CEBPZOS: variants seen among roughly 807,000 people sequenced by gnomAD.
The protein encoded by CEBPZOS is protein CEBPZOS.
In CEBPZOS, 10 loss-of-function variants were observed where a neutral mutation model predicts 4.8. The ratio of observed to expected loss-of-function variants is 2.07; its 90% CI spans 1.28 to 3.52. The LOEUF is 3.52. Among genes scored for constraint, CEBPZOS ranks in the 30% most tolerant of loss-of-function variants. The pLI, the probability that CEBPZOS is intolerant of heterozygous loss-of-function variation, is 0.00. For missense variants in CEBPZOS, 98 were observed against 43.6 expected (o/e 2.25, Z -3.51); for synonymous variants, 25 against 14.2 (o/e 1.77, Z -1.72).
downstream of CEBPZOS, among the ~76,000 whole-genome samples, chr2:37,208,013 A>G (rs1288140126): frequency 6.6e-6 from 1 of 152,310 alleles, no homozygotes; most frequent in African/African-American, 2.4e-5. Flanking sequence ...CAAGGCTACT[A>G]TGAACACCTT....
downstream of CEBPZOS, chr2:37,213,904 A>G (rs1185166837): frequency 1.2e-6 from 2 of 1,602,650 alleles, no homozygotes; most frequent in Non-Finnish European, 1.7e-6. Flanking sequence ...CGTCTTCTAT[A>G]CTTTCTTCAT....
chr2:37,202,239 GTTT>G lies in CEBPZOS; in HGVS notation c.*391_*393del, dbSNP rs763186990. Reference sequence around the variant, plus strand: ...AAAAGTAATTTTTGTAGTCTGCAAGGTTTTTTTTTTTTTTGCTTTAGTCTAAAT... The same window carrying G: ...AAAAGTAATTTTTGTAGTCTGCAAGGTTTTTTTTTTTGCTTTAGTCTAAAT... On this transcript the variant is annotated 3_prime_UTR_variant, in exon 5 of 5. Coordinates refer to ENST00000402297, the MANE Select transcript of CEBPZOS (RefSeq NM_001322374.2). The G allele has an allele frequency of 3.8e-3, 544 of 142,556 alleles. 4 individuals are homozygous for G. Among genetic ancestry groups the G allele is most frequent in the African/African-American group, 0.014 (503 of 37,032 alleles). The allele number at this position is 142,556 out of a possible 1,614,324, so 8.8% of individuals were successfully genotyped here.
chr2:37,197,155 C>G (rs1459764046), intron 1 of CEBPZOS: 2 of 152,706 alleles, frequency 1.3e-5, no homozygotes, highest in East Asian at 1.9e-4. Context: ...ACCTAAACTT[C>G]CCGGAATGAT....
At chr2:37,212,065 C>A (rs375599099) in intron 4 of CEBPZOS, 2 of 1,548,918 alleles carry the variant, frequency 1.3e-6, no homozygotes, top group South Asian at 2.5e-5. Context: ...ACTTGTAATA[C>A]AAGAGGAGGC....
intron 4 of CEBPZOS, chr2:37,212,167 A>G: frequency 2.0e-6 from 2 of 984,328 alleles, no homozygotes; most frequent in Non-Finnish European, 3.0e-6. Context: ...GCTCAGAGTA[A>G]ATAATAACGT....
intron 4 of CEBPZOS, chr2:37,212,042 G>A (rs955257906): frequency 1.5e-5 from 24 of 1,571,338 alleles, no homozygotes; most frequent in Non-Finnish European, 1.9e-5. Context: ...TCACGTTTCT[G>A]GAAAAAAACA....
Position 37,201,866 on chromosome 2 carries a change from G to A in CEBPZOS, c.*6G>A, listed in dbSNP as rs1558462457. 1 of 1,613,676 alleles carries A rather than the reference G, an allele frequency of 6.2e-7. No individual in the cohort carries two copies. The stretch of plus-strand genomic sequence containing the variant: ...TTTTTGCATCTCTGTTGTGTAGCCA[G>A]TCATCACGTTCAGCCTCCCATCTAA... On this transcript the variant is annotated 3_prime_UTR_variant, in exon 5 of 5. Coordinates refer to ENST00000402297, the MANE Select transcript of CEBPZOS (RefSeq NM_001322374.2).
intron 4 of CEBPZOS, among the ~76,000 whole-genome samples, chr2:37,212,844 A>C (rs1477811660): frequency 1.3e-4 from 20 of 149,736 alleles, no homozygotes; most frequent in East Asian, 1.9e-4. Flanking sequence ...TTAAAAAAAA[A>C]AAAAAAACAA....
At chr2:37,212,495 G>A in intron 4 of CEBPZOS, 1 of 994,444 alleles carries the variant, frequency 1.0e-6, no homozygotes, top group South Asian at 1.4e-5. Flanking sequence ...TGCTGTTTAT[G>A]ACAAGTGAAC....
intron 4 of CEBPZOS, among the ~76,000 whole-genome samples, chr2:37,212,868 AAAAAAAAAAAC>A (rs1558471409): frequency 2.0e-5 from 2 of 99,848 alleles, no homozygotes; most frequent in Admixed American, 1.1e-4. Context: ...CAACAACAAC[AAAAAAAAAAAC>A]AAAAAAAAAA....
chr2:37,210,942 T>A (rs1677701908), intron 4 of CEBPZOS: 2 of 1,263,412 alleles, frequency 1.6e-6, no homozygotes, highest in East Asian at 2.4e-5. Flanking sequence ...CCCAAAATGA[T>A]AATGACACCT....
chr2:37,207,178 T>C (rs1677567688), downstream of CEBPZOS, among the ~76,000 whole-genome samples: 1 of 152,108 alleles, frequency 6.6e-6, no homozygotes, highest in Non-Finnish European at 1.5e-5. Context: ...CCTAAGAAAT[T>C]AGACAGATGG....
At position 37,201,850 on chromosome 2, in the gene CEBPZOS, C is replaced by G. The variant is rs534443487; in HGVS notation, c.*3-13C>G. ...TTTTTCTTGATGATACTTTTTGCAT[C>G]TCTGTTGTGTAGCCAGTCATCACGT... On this transcript the variant is annotated splice_polypyrimidine_tract_variant and intron_variant, in intron 4 of 4. Transcript: ENST00000402297. 2.5e-6 allele frequency: 4 copies of G among 1,613,246 alleles called. No homozygotes were observed. In the African/African-American group the frequency reaches 5.3e-5, roughly 22 times the overall value.
At position 37,201,104 on chromosome 2, in the gene CEBPZOS, C is replaced by T. The variant is rs189383448; in HGVS notation, c.160+12C>T. On this transcript the variant is annotated intron_variant, in intron 3 of 4. Transcript: ENST00000402297. ...CTTCATCTTGGAAGGTATGTTTTTC[C>T]TTAAGTAAAAATAAGTATAAAACAA... The T allele has an allele frequency of 1.3e-3, 898 of 712,538 alleles. No individual in the cohort carries two copies. Among genetic ancestry groups the T allele is most frequent in the Non-Finnish European group, 1.3e-3 (502 of 383,514 alleles). The allele number at this position is 712,538 out of a possible 1,614,324, so 44.1% of individuals were successfully genotyped here.
chr2:37,214,924 T>C (rs1455890711), downstream of CEBPZOS: 1 of 1,610,430 alleles, frequency 6.2e-7, no homozygotes, highest in Non-Finnish European at 8.5e-7. Flanking sequence ...TTTGGCTTTC[T>C]TCTTTTGCAA....
Position 37,204,126 on chromosome 2 carries a change from T to C in CEBPZOS, c.*2266T>C, listed in dbSNP as rs766933166. 17 of 152,152 alleles carry C rather than the reference T, an allele frequency of 1.1e-4. No homozygotes were observed. Among genetic ancestry groups the C allele is most frequent in the African/African-American group, 1.7e-4 (7 of 41,426 alleles). 9.4% of individuals were successfully genotyped at this position (152,152 alleles called of 1,614,324 possible). A position where few individuals can be genotyped will look rare whatever the true frequency, so the allele number is the denominator to read the frequency against. On this transcript the variant is annotated 3_prime_UTR_variant, in exon 5 of 5. Coordinates refer to ENST00000402297, the MANE Select transcript of CEBPZOS (RefSeq NM_001322374.2). The stretch of plus-strand genomic sequence containing the variant: ...CACATTTGCATGCATTAGGAAGTTT[T>C]TTTTGGGTTTTATTCATCCTGTAGT...
Position 37,202,880 on chromosome 2 carries a change from C to A in CEBPZOS, c.*1020C>A. ...AGATGGCCAAACTTTTAAACAAAAA[C>A]GATAAATTTATTAGAAAACTAAAAA... On this transcript the variant is annotated 3_prime_UTR_variant, in exon 5 of 5. Transcript: ENST00000402297. 1 of 1,593,800 alleles carries A rather than the reference C, an allele frequency of 6.3e-7. No individual in the cohort carries two copies. Among genetic ancestry groups the A allele is most frequent in the Non-Finnish European group, 8.5e-7 (1 of 1,169,934 alleles).
intron 4 of CEBPZOS, chr2:37,212,019 T>C (rs1677737275): frequency 3.8e-6 from 6 of 1,583,268 alleles, no homozygotes; most frequent in Non-Finnish European, 5.1e-6. Flanking sequence ...CTTAGCTCCT[T>C]TTGTTCTCTT....
chr2:37,206,615 C>G (rs761954657), downstream of CEBPZOS, among the ~76,000 whole-genome samples: 1 of 152,144 alleles, frequency 6.6e-6, no homozygotes, highest in African/African-American at 2.4e-5. Flanking sequence ...CTGGGCCTCC[C>G]GAAGTGCTGG....
Sources: allele counts gnomAD v4.1 joint callset (sites outside exome capture counted in the v4.1 genomes callset), GRCh38; gene constraint gnomAD v4.1.1; transcripts MANE v1.5; gene names NCBI Gene and HGNC (gene_info 2026-07-23, HGNC 2026-07-21).